Variants in MYL10 observed in about 807,000 individuals in gnomAD.
MYL10 encodes the protein myosin light chain 10.
Under a neutral mutation model 21.9 loss-of-function variants are expected in MYL10, and 18 were observed. That is an observed-to-expected ratio of 0.82 (90% CI 0.57 to 1.22). MYL10 has a LOEUF of 1.22. Ranked by LOEUF, MYL10 falls within the 50% of genes most tolerant of loss-of-function variation. MYL10 has a pLI of 0.00. For synonymous variants in MYL10, 88 were observed against 82.8 expected (o/e 1.06, Z -0.34); for missense variants, 225 against 230.4 (o/e 0.98, Z 0.15).
At chr7:101,623,230 G>A (rs1796702346) in intron 3 of MYL10, among the ~76,000 whole-genome samples, 158 bp from the exon 4 acceptor site, 1 of 152,132 alleles carries the variant, frequency 6.6e-6, no homozygotes, top group South Asian at 2.1e-4. Flanking sequence ...CCTCATTTCA[G>A]GCTCACAGCA....
intron 5 of MYL10, among the ~76,000 whole-genome samples, chr7:101,621,065 A>C (rs1796671880): frequency 6.6e-6 from 1 of 152,078 alleles, no homozygotes; most frequent in African/African-American, 2.4e-5. Flanking sequence ...CTGGGATTAC[A>C]GGCATGAGCC....
intron 6 of MYL10, 76 bp from the exon 7 acceptor site, chr7:101,613,786 A>C: frequency 4.3e-6 from 6 of 1,391,070 alleles, no homozygotes; most frequent in Non-Finnish European, 6.1e-6. Flanking sequence ...AGGGGTGATG[A>C]GGGGCAAGTG....
chr7:101,620,778 C>CTTT (rs1392044633), intron 5 of MYL10, among the ~76,000 whole-genome samples: 2 of 134,044 alleles, frequency 1.5e-5, no homozygotes, highest in African/African-American at 2.8e-5. Context: ...CTGACCCTTC[C>CTTT]TTTTTTTTTT....
intron 5 of MYL10, among the ~76,000 whole-genome samples, chr7:101,618,246 G>A (rs1380057565): frequency 2.6e-5 from 4 of 152,236 alleles, no homozygotes; most frequent in Non-Finnish European, 4.4e-5. Flanking sequence ...AGGGTGCAGC[G>A]AGGGCAGGGC....
At position 101,623,953 on chromosome 7, in the gene MYL10, C is replaced by G. The variant is rs530334669; in HGVS notation, c.240G>C (p.Thr80=). The G allele has an allele frequency of 1.4e-4, 62 of 439,316 alleles. No homozygotes were observed. Among genetic ancestry groups the G allele is most frequent in the South Asian group, 9.7e-4 (39 of 40,062 alleles). 27.2% of individuals were successfully genotyped at this position (439,316 alleles called of 1,614,324 possible). The change falls in exon 3 of 8, where the codon ACG becomes ACC. Residue 80 remains threonine (T), a synonymous_variant. Transcript: ENST00000223167. The part of the protein sequence containing the change: ...MISAHCNLCL[T]GSSNSPASAS... ...CTGAGGCAGGAGAATTGCTTGAACC[C>G]GTGAGGCAGAGGTTGCAGTGAGCCG... is the stretch of plus-strand genomic sequence containing the variant.
chr7:101,626,402 A>G (rs935457311), intron 1 of MYL10, among the ~76,000 whole-genome samples: 9 of 152,224 alleles, frequency 5.9e-5, no homozygotes, highest in African/African-American at 2.2e-4. Context: ...AAGCGCTGAG[A>G]AGACAAGACA....
chr7:101,622,928 G>A, intron 4 of MYL10, 69 bp downstream of exon 4: 2 of 1,451,398 alleles, frequency 1.4e-6, no homozygotes, highest in Non-Finnish European at 1.9e-6. Flanking sequence ...GCCCTGCCCT[G>A]CTGGCCCCAA....
intron 1 of MYL10, among the ~76,000 whole-genome samples, chr7:101,628,433 G>A (rs1374029253): frequency 6.6e-6 from 1 of 152,146 alleles, no homozygotes; most frequent in Non-Finnish European, 1.5e-5. Flanking sequence ...TCCAGCCTGG[G>A]CGACAGAGTG....
intron 6 of MYL10, among the ~76,000 whole-genome samples, chr7:101,614,605 G>A (rs1278313368): frequency 1.3e-5 from 2 of 152,098 alleles, no homozygotes; most frequent in Non-Finnish European, 2.9e-5. Flanking sequence ...GTTACTCCGG[G>A]GGTGACTCTG....
chr7:101,616,094 T>C (rs572863199), intron 6 of MYL10, 126 bp downstream of exon 6: 5 of 706,378 alleles, frequency 7.1e-6, no homozygotes, highest in South Asian at 6.8e-5. Flanking sequence ...GCGATATCAC[T>C]GGGCTGGGCA....
At chr7:101,619,250 T>C (rs1295075711) in intron 5 of MYL10, among the ~76,000 whole-genome samples, 1 of 152,224 alleles carries the variant, frequency 6.6e-6, no homozygotes, top group Non-Finnish European at 1.5e-5. Flanking sequence ...CCCGGCCTCC[T>C]GGGCTTCTGA....
At chr7:101,627,360 G>GGC (rs1796758555) in intron 1 of MYL10, 1 of 143,200 alleles carries the variant, frequency 7.0e-6, no homozygotes, top group African/African-American at 2.6e-5. Flanking sequence ...GCAGGGGTGG[G>GGC]AGGGAGGGGA....
At chr7:101,614,265 C>G (rs182915973) in intron 6 of MYL10, among the ~76,000 whole-genome samples, 2 of 152,194 alleles carry the variant, frequency 1.3e-5, no homozygotes, top group Non-Finnish European at 2.9e-5. Flanking sequence ...TGGGATCAGA[C>G]GGCTGAGTGG....
chr7:101,614,294 T>C (rs4729746), intron 6 of MYL10, among the ~76,000 whole-genome samples: 141,624 of 152,288 alleles, frequency 0.93, 65,881 homozygotes, highest in East Asian at 1. Context: ...CCACCCAGAG[T>C]GTCCTCTGGC....
At chr7:101,615,785 C>G (rs1264437993) in intron 6 of MYL10, among the ~76,000 whole-genome samples, 1 of 149,170 alleles carries the variant, frequency 6.7e-6, no homozygotes, top group African/African-American at 2.5e-5. Flanking sequence ...ACCTCCACTT[C>G]CTGGGTTCGA....
At chr7:101,614,691 T>G (rs1332030433) in intron 6 of MYL10, among the ~76,000 whole-genome samples, 1 of 152,144 alleles carries the variant, frequency 6.6e-6, no homozygotes, top group African/African-American at 2.4e-5. Flanking sequence ...GACTGTGGAC[T>G]GCAGCAACCC....
intron 1 of MYL10, among the ~76,000 whole-genome samples, chr7:101,628,822 C>T (rs1001895221): frequency 3.3e-5 from 5 of 152,256 alleles, no homozygotes; most frequent in African/African-American, 1.2e-4. Flanking sequence ...GCCCCGGGTA[C>T]AGCTGATCCC....
chr7:101,614,837 A>C (rs1796589979), intron 6 of MYL10, among the ~76,000 whole-genome samples: 1 of 152,274 alleles, frequency 6.6e-6, no homozygotes, highest in South Asian at 2.1e-4. Context: ...AGAATCTCAA[A>C]ACCAGCAAAA....
chr7:101,618,789 C>A (rs949921954), intron 5 of MYL10, among the ~76,000 whole-genome samples: 1 of 152,076 alleles, frequency 6.6e-6, no homozygotes, highest in Non-Finnish European at 1.5e-5. Context: ...GCCCCAGTCC[C>A]GGCGCCCCTG....
Sources: allele counts gnomAD v4.1 joint callset (sites outside exome capture counted in the v4.1 genomes callset), GRCh38; gene constraint gnomAD v4.1.1; transcripts MANE v1.5; gene names NCBI Gene and HGNC (gene_info 2026-07-23, HGNC 2026-07-21).